EYS: variants seen among roughly 807,000 people sequenced by gnomAD.
EYS encodes protein eyes shut homolog.
In EYS, 250 loss-of-function variants were observed where a neutral mutation model predicts 282.1. The ratio of observed to expected loss-of-function variants is 0.89; its 90% CI spans 0.80 to 0.98. The LOEUF is 0.98. EYS is among the 50% of genes least tolerant of loss of function. The pLI, the probability that EYS is intolerant of heterozygous loss-of-function variation, is 0.00. For missense variants in EYS, 4,016 were observed against 3,709.0 expected, an observed-to-expected ratio of 1.08 and a Z score of -2.15; for synonymous variants, 1,355 against 1,282.9, an observed-to-expected ratio of 1.06 and a Z score of -1.20.
intron 5 of EYS, among the ~76,000 whole-genome samples, chr6:65,437,101 T>A (rs1269913109): frequency 1.3e-5 from 2 of 152,164 alleles, no homozygotes; most frequent in African/African-American, 4.8e-5. Flanking sequence ...AAACTTAATT[T>A]ATTATGTTTC....
chr6:64,685,409 T>C (rs1770056956), intron 22 of EYS, among the ~76,000 whole-genome samples: 1 of 152,212 alleles, frequency 6.6e-6, no homozygotes. Flanking sequence ...TCCGTATTGT[T>C]GAAGTTGGGA....
intron 22 of EYS, among the ~76,000 whole-genome samples, chr6:64,723,891 G>A (rs985915): frequency 0.68 from 102,942 of 151,830 alleles, 37,154 homozygotes; most frequent in Non-Finnish European, 0.81. Context: ...TGTGCCTAGT[G>A]GTCAGCAGTC....
intron 19 of EYS, among the ~76,000 whole-genome samples, chr6:64,849,653 A>C (rs1295897894): frequency 6.6e-6 from 1 of 152,054 alleles, no homozygotes; most frequent in African/African-American, 2.4e-5. Flanking sequence ...GGCTCTGGGG[A>C]GGAATTTTTT....
intron 5 of EYS, among the ~76,000 whole-genome samples, chr6:65,465,439 T>C (rs1293857976): frequency 6.6e-6 from 1 of 152,064 alleles, no homozygotes; most frequent in East Asian, 1.9e-4. Context: ...ATTGTGCCGC[T>C]GTATTCCAGC....
chr6:64,206,452 G>T (rs962989427), intron 31 of EYS, among the ~76,000 whole-genome samples: 19 of 152,220 alleles, frequency 1.2e-4, no homozygotes, highest in Middle Eastern at 6.8e-3. Flanking sequence ...TCAACTCATT[G>T]TTATGTGGTT....
chr6:65,166,533 T>C (rs1386432347), intron 12 of EYS, among the ~76,000 whole-genome samples: 1 of 151,120 alleles, frequency 6.6e-6, no homozygotes, highest in Non-Finnish European at 1.5e-5. Context: ...AATACTAAAG[T>C]TGGACCCTTA....
Position 65,296,086 on chromosome 6 carries a change from C to G in EYS, c.1800G>C (p.Leu600Phe), listed in dbSNP as rs794727056. 1.3e-6 allele frequency: 2 copies of G among 1,549,904 alleles called. No individual in the cohort carries two copies. The highest frequency in any genetic ancestry group is 2.7e-5 in the African/African-American group (2 of 72,988). ...AGCAATAGTCAACATTGACAACACA[C>G]AATCTGCCAATGTAACTAAGAGAAC... ...CSCSLSYIGR[L>F]CVVNVDYCLG... The change falls in exon 12 of 43, where the codon TTG becomes TTC. Residue 600 changes from leucine to phenylalanine, a missense_variant. Physicochemically the swap from Leu to Phe is conservative, Grantham distance 22 (BLOSUM62 0). Coordinates refer to ENST00000503581, the MANE Select transcript of EYS (RefSeq NM_001142800.2).
At chr6:64,769,549 G>A (rs1467670444) in intron 22 of EYS, among the ~76,000 whole-genome samples, 1 of 152,030 alleles carries the variant, frequency 6.6e-6, no homozygotes, top group African/African-American at 2.4e-5. Flanking sequence ...GGCCTACATA[G>A]TTCCCACCTG....
chr6:63,829,847 G>T (rs957348586), intron 36 of EYS, among the ~76,000 whole-genome samples: 2 of 152,308 alleles, frequency 1.3e-5, no homozygotes, highest in Admixed American at 6.5e-5. Flanking sequence ...AGAGCTAGGT[G>T]CCCCTCTGAG....
chr6:64,969,303 C>T (rs919992308), intron 14 of EYS, among the ~76,000 whole-genome samples: 1 of 152,098 alleles, frequency 6.6e-6, no homozygotes, highest in Non-Finnish European at 1.5e-5. Flanking sequence ...TTGCTACTAG[C>T]TGGGGACTGG....
chr6:65,701,281 T>C (rs994944832), intron 1 of EYS, among the ~76,000 whole-genome samples: 1 of 152,198 alleles, frequency 6.6e-6, no homozygotes, highest in African/African-American at 2.4e-5. Context: ...CGAATGTCTA[T>C]TTTACTCCTT....
At chr6:65,058,785 A>G (rs1245008501) in intron 12 of EYS, among the ~76,000 whole-genome samples, 1 of 141,506 alleles carries the variant, frequency 7.1e-6, no homozygotes, top group Non-Finnish European at 1.6e-5. Flanking sequence ...TGAAAATCAT[A>G]GCCTCAACTG....
At chr6:65,146,514 A>T (rs1042728250) in intron 12 of EYS, among the ~76,000 whole-genome samples, 12 of 152,000 alleles carry the variant, frequency 7.9e-5, no homozygotes, top group African/African-American at 2.9e-4. Context: ...TGCACCAGGG[A>T]TGATGGTAAA....
At chr6:64,398,832 A>G (rs1226300976) in intron 28 of EYS, among the ~76,000 whole-genome samples, 6 of 151,842 alleles carry the variant, frequency 4.0e-5, no homozygotes, top group Admixed American at 6.6e-5. Context: ...GATATTCCCT[A>G]TGTTAAGACT....
intron 26 of EYS, among the ~76,000 whole-genome samples, chr6:64,481,397 T>G (rs975200000): frequency 6.7e-6 from 1 of 148,412 alleles, no homozygotes; most frequent in African/African-American, 2.4e-5. Flanking sequence ...GTTAACTCTG[T>G]TGCAGAGTGA....
At chr6:65,235,722 C>A (rs1766905066) in intron 12 of EYS, among the ~76,000 whole-genome samples, 1 of 151,954 alleles carries the variant, frequency 6.6e-6, no homozygotes, top group African/African-American at 2.4e-5. Context: ...GCAAAATTTT[C>A]CTTGATTTTT....
At chr6:65,222,940 A>T (rs893129976) in intron 12 of EYS, among the ~76,000 whole-genome samples, 1 of 152,272 alleles carries the variant, frequency 6.6e-6, no homozygotes, top group East Asian at 1.9e-4. Flanking sequence ...AAGAAGTAAG[A>T]GTCAGGGTAC....
chr6:63,728,090 T>C (rs1768687261), intron 41 of EYS, among the ~76,000 whole-genome samples: 1 of 152,106 alleles, frequency 6.6e-6, no homozygotes, highest in South Asian at 2.1e-4. Flanking sequence ...TTTGAAACTT[T>C]TTAAAATATT....
intron 1 of EYS, among the ~76,000 whole-genome samples, chr6:65,686,506 T>C (rs937644664): frequency 1.3e-5 from 2 of 152,224 alleles, no homozygotes; most frequent in African/African-American, 4.8e-5. Context: ...GCTTCTGTGC[T>C]TGTGCTAGCA....
Sources: gnomAD v4.1 joint callset for allele counts (sites outside exome capture counted in the v4.1 genomes callset) on GRCh38, gnomAD v4.1.1 for gene constraint, MANE v1.5 for transcripts, NCBI Gene and HGNC (gene_info 2026-07-23, HGNC 2026-07-21) for gene names.